CSTF3: variants seen among roughly 807,000 people sequenced by gnomAD.
CSTF3 encodes cleavage stimulation factor subunit 3.
A neutral mutation model predicts 105.8 loss-of-function variants in CSTF3; 29 were observed. The observed-to-expected ratio is 0.27, with a 90% CI of 0.20 to 0.37. The LOEUF is 0.37. Among genes scored for constraint, CSTF3 ranks in the 10% least tolerant of loss-of-function variants. CSTF3 has a pLI of 1.00. For missense variants in CSTF3, 357 were observed against 879.3 expected (o/e 0.41, Z 7.51); for synonymous variants, 252 against 281.9 (o/e 0.89, Z 1.06).
At chr11:33,148,876 T>TTC (rs1855820912) in intron 1 of CSTF3, among the ~76,000 whole-genome samples, 1 of 151,184 alleles carries the variant, frequency 6.6e-6, no homozygotes, top group Non-Finnish European at 1.5e-5. Flanking sequence ...TTTTTTTTTT[T>TTC]TTAAAGAGAC....
chr11:33,130,218 A>G (rs896656133), intron 3 of CSTF3, among the ~76,000 whole-genome samples: 4 of 152,204 alleles, frequency 2.6e-5, no homozygotes, highest in Non-Finnish European at 5.9e-5. Context: ...CATGCCTGTA[A>G]TCCCAGCATT....
chr11:33,095,229 G>A (rs923610532), intron 15 of CSTF3, among the ~76,000 whole-genome samples: 1 of 152,056 alleles, frequency 6.6e-6, no homozygotes, highest in Non-Finnish European at 1.5e-5. Context: ...GTTTTTTAGA[G>A]ACAGGGTCTT....
At chr11:33,159,703 G>A (rs975071175) in intron 1 of CSTF3, among the ~76,000 whole-genome samples, 2 of 151,924 alleles carry the variant, frequency 1.3e-5, no homozygotes, top group African/African-American at 4.8e-5. Flanking sequence ...GCGCAGGGAG[G>A]TCGAAGCTAT....
intron 15 of CSTF3, among the ~76,000 whole-genome samples, chr11:33,095,348 A>C (rs1007728847): frequency 6.6e-6 from 1 of 152,216 alleles, no homozygotes; most frequent in African/African-American, 2.4e-5. Context: ...GGCATACGCC[A>C]CCACACCTAG....
intron 1 of CSTF3, among the ~76,000 whole-genome samples, chr11:33,156,524 C>T (rs1484553562): frequency 1.3e-5 from 2 of 152,122 alleles, no homozygotes; most frequent in South Asian, 2.1e-4. Context: ...AATTATTTTT[C>T]ACTAAAAACA....
At chr11:33,111,152 C>G (rs941776675) in intron 3 of CSTF3, among the ~76,000 whole-genome samples, 5 of 152,148 alleles carry the variant, frequency 3.3e-5, no homozygotes, top group Non-Finnish European at 7.3e-5. Context: ...ATCACTTGAA[C>G]CCGGGAGGCA....
intron 3 of CSTF3, among the ~76,000 whole-genome samples, chr11:33,126,270 C>T (rs1240543684): frequency 6.6e-6 from 1 of 151,992 alleles, no homozygotes; most frequent in African/African-American, 2.4e-5. Context: ...CTAGGCTGGG[C>T]AACTTAAGAC....
chr11:33,130,447 T>C lies in CSTF3; in HGVS notation c.225+11220A>G, dbSNP rs1165588575. On this transcript the variant is annotated intron_variant, in intron 3 of 20. Coordinates refer to ENST00000323959, the MANE Select transcript of CSTF3 (RefSeq NM_001326.3). The stretch of plus-strand genomic sequence containing the variant: ...AAGATTGCGCCACTACACTCCAGCC[T>C]GGGCAAGAGTGAGACTCTGTCTCAA... 2.6e-5 allele frequency among the ~76,000 whole-genome samples: 4 copies of C among 152,186 alleles called. No homozygotes were observed. The East Asian group carries it at 7.7e-4, about 29-fold the overall frequency.
intron 1 of CSTF3, among the ~76,000 whole-genome samples, chr11:33,143,677 G>A (rs1013530900): frequency 2.6e-5 from 4 of 152,102 alleles, no homozygotes; most frequent in Admixed American, 6.5e-5. Flanking sequence ...TTGAATCCAG[G>A]AGGCAGAGGT....
Position 33,106,049 on chromosome 11 carries a change from T to C in CSTF3, c.372A>G (p.Gln124=). 1 of 1,612,498 alleles carries C rather than the reference T, an allele frequency of 6.2e-7. No individual in the cohort carries two copies. The highest frequency in any genetic ancestry group is 8.5e-7 in the Non-Finnish European group (1 of 1,179,094). The change falls in exon 6 of 21, where the codon CAA becomes CAG. Residue 124 remains glutamine, a synonymous_variant. Coordinates refer to ENST00000323959, the MANE Select transcript of CSTF3 (RefSeq NM_001326.3). ...KLPSYKEKMA[Q]AYDFALDKIG... ...TTTTATCCAGTGCAAAGTCATATGC[T>C]TGAGCCATTTTTTCTCTGAAATGAA...
intron 3 of CSTF3, among the ~76,000 whole-genome samples, chr11:33,113,203 C>T (rs990930628): frequency 4.9e-5 from 6 of 121,624 alleles, no homozygotes; most frequent in Non-Finnish European, 8.5e-5. Context: ...GAGACTTTGT[C>T]TCAAAATAAA....
chr11:33,107,271 T>C (rs1351469005), intron 5 of CSTF3, among the ~76,000 whole-genome samples: 1 of 152,172 alleles, frequency 6.6e-6, no homozygotes, highest in East Asian at 1.9e-4. Flanking sequence ...GAACCCGTGA[T>C]TGTGCCACTG....
At chr11:33,090,752 T>G (rs759102166) in intron 16 of CSTF3, 25 bp from the exon 17 acceptor site, 13 of 1,470,530 alleles carry the variant, frequency 8.8e-6, no homozygotes, top group Middle Eastern at 1.9e-4. Flanking sequence ...ATACAATCAA[T>G]ACTTTAATTA....
intron 3 of CSTF3, among the ~76,000 whole-genome samples, chr11:33,139,672 A>G (rs1469880472): frequency 6.6e-6 from 1 of 151,948 alleles, no homozygotes; most frequent in Non-Finnish European, 1.5e-5. Flanking sequence ...CCAAAAATAT[A>G]AATTTTAAAA....
chr11:33,154,489 T>A (rs999237504), intron 1 of CSTF3, among the ~76,000 whole-genome samples: 15 of 41,836 alleles, frequency 3.6e-4, no homozygotes, highest in African/African-American at 8.8e-4. Context: ...CCGTAAGACT[T>A]TCTTTTTTTT....
At chr11:33,148,763 G>A (rs1428262403) in intron 1 of CSTF3, among the ~76,000 whole-genome samples, 3 of 151,548 alleles carry the variant, frequency 2.0e-5, no homozygotes, top group African/African-American at 7.3e-5. Context: ...CTGCAGTCTA[G>A]TGAAACCTAT....
chr11:33,160,517 C>T (rs892456610), intron 1 of CSTF3, among the ~76,000 whole-genome samples: 3 of 152,282 alleles, frequency 2.0e-5, no homozygotes, highest in African/African-American at 7.2e-5. Context: ...TGGCATTTTT[C>T]ATAACTATTT....
intron 19 of CSTF3, 50 bp from the exon 20 acceptor site, chr11:33,085,823 G>A: frequency 6.3e-7 from 1 of 1,593,728 alleles, no homozygotes; most frequent in Non-Finnish European, 8.6e-7. Context: ...ACAAGTTAAA[G>A]TAGTAGTAAC....
chr11:33,120,494 C>G (rs920507734), intron 3 of CSTF3, among the ~76,000 whole-genome samples: 2 of 151,814 alleles, frequency 1.3e-5, no homozygotes, highest in Non-Finnish European at 3.0e-5. Context: ...AGGTTTCAAT[C>G]ACTTGATATT....
Sources: allele counts gnomAD v4.1 joint callset (sites outside exome capture counted in the v4.1 genomes callset), GRCh38; gene constraint gnomAD v4.1.1; transcripts MANE v1.5; gene names NCBI Gene and HGNC (gene_info 2026-07-23, HGNC 2026-07-21).